NRG1: variants seen among roughly 807,000 people sequenced by gnomAD.
NRG1 encodes neuregulin 1, also known as pro-neuregulin-1, membrane-bound isoform.
In NRG1, 18 loss-of-function variants were observed where a neutral mutation model predicts 63.8. That is an observed-to-expected ratio of 0.28 (90% confidence interval 0.19 to 0.42). The LOEUF (loss-of-function observed/expected upper bound fraction) is 0.42. Ranked by LOEUF, NRG1 falls within the 10% of genes least tolerant of loss-of-function variation. The pLI is 1.00. For missense variants in NRG1, 762 were observed against 814.7 expected (o/e 0.94, Z 0.79); for synonymous variants, 302 against 301.3 (o/e 1.00, Z -0.02).
chr8:32,101,626 C>T (rs189043750), intron 1 of NRG1, among the ~76,000 whole-genome samples: 1 of 151,834 alleles, frequency 6.6e-6, no homozygotes, highest in African/African-American at 2.4e-5. Context: ...AAGTTTAATT[C>T]GTCATCAAGG....
chr8:31,772,932 C>T (rs762687055), intron 1 of NRG1, among the ~76,000 whole-genome samples: 12 of 152,100 alleles, frequency 7.9e-5, no homozygotes, highest in Non-Finnish European at 1.5e-4. Flanking sequence ...CTCCTATGCA[C>T]AAAGGTAGTA....
chr8:31,792,596 T>C (rs1820822369), intron 1 of NRG1, among the ~76,000 whole-genome samples: 1 of 152,274 alleles, frequency 6.6e-6, no homozygotes, highest in African/African-American at 2.4e-5. Context: ...AATACTGCTG[T>C]TCATTGTAGG....
At chr8:32,152,454 CTATTT>C (rs1193212497) in intron 1 of NRG1, among the ~76,000 whole-genome samples, 2 of 152,170 alleles carry the variant, frequency 1.3e-5, no homozygotes, top group African/African-American at 4.8e-5. Context: ...TGTAAGTACT[CTATTT>C]TAAGGACAAC....
chr8:31,862,344 A>T (rs1448624614), intron 1 of NRG1, among the ~76,000 whole-genome samples: 1 of 152,146 alleles, frequency 6.6e-6, no homozygotes, highest in Admixed American at 6.6e-5. Flanking sequence ...GCATTTCTAA[A>T]ACTCGAGTTT....
chr8:32,742,776 C>T lies in NRG1; in HGVS notation c.691+43C>T. 1.9e-6 allele frequency: 3 copies of T among 1,613,536 alleles called. No homozygotes were observed. The highest frequency in any genetic ancestry group is 2.2e-5 in the East Asian group (1 of 44,860). On this transcript the variant is annotated intron_variant, in intron 7 of 11. Transcript: ENST00000356819. This position sits in a 1 kb window ranked among gnomAD's most constrained non-coding sequence, Gnocchi z 4.2. ...CTGTCTCTGCCTGAATAGGAGCATG[C>T]TCAGTTGGTGCTGCTTTCTTGTTGC...
At chr8:31,830,862 G>A (rs1311364354) in intron 1 of NRG1, among the ~76,000 whole-genome samples, 1 of 152,084 alleles carries the variant, frequency 6.6e-6, no homozygotes, top group Admixed American at 6.5e-5. Flanking sequence ...ATAGTGATGG[G>A]ATTTTGCTGA....
At chr8:32,210,361 A>T (rs1433089437) in intron 1 of NRG1, among the ~76,000 whole-genome samples, 1 of 152,162 alleles carries the variant, frequency 6.6e-6, no homozygotes, top group African/African-American at 2.4e-5. Context: ...GCCTCCAGAA[A>T]ATCCCACTGA....
rs566908952 is a variant in NRG1 at position 32,286,458 on chromosome 8, C to A, written c.38-309370C>A. Among the ~76,000 whole-genome samples the A allele has an allele frequency of 5.9e-5, 9 of 152,266 alleles. No homozygotes were observed. The South Asian group carries it at 1.9e-3, about 32-fold the overall frequency. On this transcript the variant is annotated intron_variant, in intron 1 of 10. Coordinates refer to the NRG1 transcript ENST00000519301. ...CTGGTGAAATAGTTTGGATATTTGT[C>A]CACTCTAAATCTCATGATGAAACTT...
chr8:31,796,518 C>T (rs1251714201), intron 1 of NRG1, among the ~76,000 whole-genome samples: 1 of 141,584 alleles, frequency 7.1e-6, no homozygotes, highest in Non-Finnish European at 1.5e-5. Context: ...CTGCAAGCTC[C>T]GCCTCCTGGG....
At chr8:31,797,653 C>G (rs992556926) in intron 1 of NRG1, among the ~76,000 whole-genome samples, 3 of 152,188 alleles carry the variant, frequency 2.0e-5, no homozygotes, top group Admixed American at 1.3e-4. Context: ...GAAGAGATGT[C>G]TCCTATTTAT....
intron 1 of NRG1, among the ~76,000 whole-genome samples, chr8:32,538,143 C>T (rs1012937542): frequency 2.6e-5 from 4 of 152,222 alleles, no homozygotes; most frequent in Admixed American, 1.3e-4. Context: ...TGAGCCACTG[C>T]GCTCAGCTGA....
At chr8:32,608,429 C>G (rs2129540268) in intron 3 of NRG1, among the ~76,000 whole-genome samples, 1 of 152,136 alleles carries the variant, frequency 6.6e-6, no homozygotes, top group Non-Finnish European at 1.5e-5. Flanking sequence ...CTGTGGAACT[C>G]CTGAGTTCAA....
chr8:31,951,882 G>A (rs1299607896), intron 1 of NRG1, among the ~76,000 whole-genome samples: 2 of 152,092 alleles, frequency 1.3e-5, no homozygotes, highest in African/African-American at 4.8e-5. Flanking sequence ...AAATATTCTT[G>A]GTTTACGTCA....
At chr8:32,740,571 A>G (rs932142923) in intron 6 of NRG1, among the ~76,000 whole-genome samples, 1 of 152,156 alleles carries the variant, frequency 6.6e-6, no homozygotes, top group Non-Finnish European at 1.5e-5. Context: ...TATTCTAAAC[A>G]AAAATAATCC....
At chr8:32,573,734 G>A (rs1301528863) in intron 1 of NRG1, among the ~76,000 whole-genome samples, 1 of 151,986 alleles carries the variant, frequency 6.6e-6, no homozygotes, top group African/African-American at 2.4e-5. Flanking sequence ...CATGTGCCGT[G>A]TTGGTGTGCT....
intron 1 of NRG1, among the ~76,000 whole-genome samples, chr8:32,436,122 G>A (rs1350286425): frequency 6.6e-6 from 1 of 152,162 alleles, no homozygotes; most frequent in African/African-American, 2.4e-5. Flanking sequence ...ACATGGCTGG[G>A]AAGACCTCAC....
chr8:32,635,373 A>G (rs111687212), intron 5 of NRG1, among the ~76,000 whole-genome samples: 3 of 152,286 alleles, frequency 2.0e-5, no homozygotes, highest in Admixed American at 6.5e-5. Context: ...AAAATTTGAA[A>G]TCTACTGCTT....
Position 31,883,697 on chromosome 8 carries a change from G to A in NRG1, c.37+244266G>A, listed in dbSNP as rs139414685. ...AAATGTTCTTAGATCCTGCTGTTCA[G>A]TTGGTTGGAGGGCATTAAAGATAGT... On this transcript the variant is annotated intron_variant, in intron 1 of 10. Transcript: ENST00000519301. Among the ~76,000 whole-genome samples the A allele has an allele frequency of 6.6e-3, 1,009 of 152,224 alleles. 6 individuals are homozygous for A. Among genetic ancestry groups the A allele is most frequent in the Non-Finnish European group, 0.011 (771 of 67,998 alleles).
chr8:31,798,289 A>G (rs1224343218), intron 1 of NRG1, among the ~76,000 whole-genome samples: 2 of 152,210 alleles, frequency 1.3e-5, no homozygotes, highest in African/African-American at 2.4e-5. Flanking sequence ...ATCATTATGC[A>G]TTACATACAT....
Sources: allele counts gnomAD v4.1 joint callset (sites outside exome capture counted in the v4.1 genomes callset), GRCh38; gene constraint gnomAD v4.1.1; non-coding constraint Gnocchi (gnomAD v3.1); transcripts MANE v1.5; gene names NCBI Gene and HGNC (gene_info 2026-07-23, HGNC 2026-07-21).